CD46: variants seen among roughly 807,000 people sequenced by gnomAD.
CD46 encodes CD46 molecule.
A neutral mutation model predicts 53.3 loss-of-function variants in CD46; 30 were observed. The ratio of observed to expected loss-of-function variants is 0.56; its 90% CI spans 0.42 to 0.76. The LOEUF (loss-of-function observed/expected upper bound fraction) is 0.76. Among genes scored for constraint, CD46 ranks in the 30% least tolerant of loss-of-function variants. The pLI is 0.00. For synonymous variants in CD46, 142 were observed against 152.0 expected (o/e 0.93, Z 0.48); for missense variants, 409 against 463.0 (o/e 0.88, Z 1.07).
intron 12 of CD46, 101 bp from the exon 13 acceptor site, chr1:207,793,418 A>C: frequency 2.3e-6 from 2 of 864,668 alleles, no homozygotes; most frequent in Non-Finnish European, 3.8e-6. Context: ...GCTCATTACT[A>C]TATTTTTTTA....
intron 8 of CD46, among the ~76,000 whole-genome samples, chr1:207,772,476 T>G (rs1571636888): frequency 6.6e-6 from 1 of 152,226 alleles, no homozygotes; most frequent in East Asian, 1.9e-4. Flanking sequence ...CCTTGTCTTG[T>G]GCCGGTTTCC....
rs1346624662 is a variant in CD46 at position 207,759,581 on chromosome 1, A to T, written c.390-58A>T. On this transcript the variant is annotated intron_variant, in intron 3 of 12. Coordinates refer to ENST00000367042, the MANE Select transcript of CD46 (RefSeq NM_172351.3). ...AAACCATATAAAAAATTCCTTCATT[A>T]TTATGTGTGTCTTATTAATTGCTAT... The T allele has an allele frequency of 1.6e-5, 15 of 939,106 alleles. No homozygotes were observed. The Admixed American group carries it at 2.9e-4, about 18-fold the overall frequency. 58.2% of individuals were successfully genotyped at this position (939,106 alleles called of 1,614,324 possible).
chr1:207,765,676 A>C (rs191446735), intron 5 of CD46, among the ~76,000 whole-genome samples: 134 of 152,298 alleles, frequency 8.8e-4, no homozygotes, highest in African/African-American at 3.1e-3. Context: ...TGACAATACC[A>C]GGTATTGACA....
At chr1:207,765,003 T>A (rs1656684385) in intron 5 of CD46, among the ~76,000 whole-genome samples, 1 of 152,026 alleles carries the variant, frequency 6.6e-6, no homozygotes, top group Non-Finnish European at 1.5e-5. Context: ...ATAAGAAAAT[T>A]ACAAATAATA....
chr1:207,787,323 C>G (rs376469750), intron 11 of CD46, among the ~76,000 whole-genome samples: 2 of 152,144 alleles, frequency 1.3e-5, no homozygotes, highest in Non-Finnish European at 2.9e-5. Flanking sequence ...CCGCCCACCT[C>G]GGCCTCCCAA....
At chr1:207,758,086 C>T (rs41317059) in intron 3 of CD46, among the ~76,000 whole-genome samples, 3,258 of 152,290 alleles carry the variant, frequency 0.021, 125 homozygotes, top group African/African-American at 0.075. Context: ...TGATCAAAAT[C>T]TCTCAGTTGA....
intron 1 of CD46, among the ~76,000 whole-genome samples, chr1:207,756,045 G>T (rs949044607): frequency 3.9e-5 from 6 of 152,164 alleles, no homozygotes; most frequent in Non-Finnish European, 5.9e-5. Flanking sequence ...CCAGGGGAAG[G>T]TGACTGATCA....
chr1:207,766,790 G>A (rs1423217089), intron 5 of CD46, among the ~76,000 whole-genome samples: 1 of 152,072 alleles, frequency 6.6e-6, no homozygotes, highest in African/African-American at 2.4e-5. Context: ...AGAAAATGTG[G>A]TTACAATATG....
In CD46 at chr1:207,767,669, T is replaced by G. The variant is rs1016879932; in HGVS notation, c.857-110T>G. 6 of 1,608,648 alleles carry G rather than the reference T, an allele frequency of 3.7e-6. No homozygotes were observed. The African/African-American group carries it at 6.7e-5, about 18-fold the overall frequency. ...TCATTCAGGTTTAGTAGCTTCTTCC[T>G]TATATGTCTTCTTCCTTATATGTTA... On this transcript the variant is annotated intron_variant, in intron 6 of 12. Transcript: ENST00000367042.
intron 7 of CD46, chr1:207,768,936 G>T (rs552898434): frequency 6.6e-6 from 1 of 152,268 alleles, no homozygotes; most frequent in Admixed American, 6.5e-5. Context: ...GGATCGAAGA[G>T]AATTATGCAT....
intron 8 of CD46, among the ~76,000 whole-genome samples, chr1:207,775,610 T>A (rs1348908111): frequency 6.6e-6 from 1 of 152,218 alleles, no homozygotes; most frequent in Non-Finnish European, 1.5e-5. Context: ...CTTCCAACAG[T>A]CAGACCCCTC....
intron 11 of CD46, among the ~76,000 whole-genome samples, chr1:207,789,870 GAAAAAAAAA>G (rs150136290): frequency 2.5e-3 from 109 of 43,370 alleles, no homozygotes; most frequent in African/African-American, 9.0e-3. Context: ...GCTGTGTCTT[GAAAAAAAAA>G]AAAAAAAAAA....
intron 2 of CD46, 54 bp from the exon 3 acceptor site, chr1:207,757,486 A>T: frequency 8.5e-7 from 1 of 1,182,558 alleles, no homozygotes; most frequent in Non-Finnish European, 1.2e-6. Context: ...TTTGATTTTG[A>T]TTCAGATCTG....
In CD46 at chr1:207,752,433, T is replaced by C. The variant is rs956621973; in HGVS notation, c.97+124T>C. On this transcript the variant is annotated intron_variant, in intron 1 of 12. Coordinates refer to ENST00000367042, the MANE Select transcript of CD46 (RefSeq NM_172351.3). This position sits in a 1 kb window ranked among gnomAD's most constrained non-coding sequence, Gnocchi z 4.1. ...TTTGGGGACAGGGTTCTCTGAGGGG[T>C]GCAGTGCTCAGATCCCGGGGGTATG... 2.2e-6 allele frequency: 2 copies of C among 909,264 alleles called. No homozygotes were observed. Among genetic ancestry groups the C allele is most frequent in the Non-Finnish European group, 3.6e-6 (2 of 550,180 alleles). The allele number at this position is 909,264 out of a possible 1,614,324, so 56.3% of individuals were successfully genotyped here.
At chr1:207,753,395 C>T (rs1463837336) in intron 1 of CD46, among the ~76,000 whole-genome samples, 1 of 152,224 alleles carries the variant, frequency 6.6e-6, no homozygotes. Flanking sequence ...CTAGGCCAGG[C>T]GCAGTGGCTC....
intron 11 of CD46, among the ~76,000 whole-genome samples, chr1:207,788,465 G>A (rs1221092760): frequency 6.6e-6 from 1 of 152,012 alleles, no homozygotes; most frequent in Non-Finnish European, 1.5e-5. Context: ...CTTGCAGTGA[G>A]CGAGATTGCG....
intron 9 of CD46, among the ~76,000 whole-genome samples, 173 bp from the exon 10 acceptor site, chr1:207,784,898 T>TACC (rs908486751): frequency 6.6e-6 from 1 of 152,182 alleles, no homozygotes; most frequent in African/African-American, 2.4e-5. Context: ...ATGATTCAAT[T>TACC]ACCTCTCATG....
At chr1:207,776,034 C>T (rs1243277465) in intron 8 of CD46, among the ~76,000 whole-genome samples, 1 of 152,204 alleles carries the variant, frequency 6.6e-6, no homozygotes, top group African/African-American at 2.4e-5. Flanking sequence ...TTTGTGCTTC[C>T]AGTTCTCTTT....
intron 7 of CD46, chr1:207,769,095 TA>T (rs1657177986): frequency 6.6e-6 from 1 of 152,000 alleles, no homozygotes; most frequent in Non-Finnish European, 1.5e-5. Context: ...CCATCTCTAC[TA>T]AAAATACAAA....
Sources: gnomAD v4.1 joint callset for allele counts (sites outside exome capture counted in the v4.1 genomes callset) on GRCh38, gnomAD v4.1.1 for gene constraint, Gnocchi (gnomAD v3.1) non-coding constraint, MANE v1.5 for transcripts, NCBI Gene and HGNC (gene_info 2026-07-23, HGNC 2026-07-21) for gene names.